Variants in DNAH14 observed in about 807,000 individuals in gnomAD.
DNAH14 encodes the protein dynein axonemal heavy chain 14.
A neutral mutation model predicts 520.9 loss-of-function variants in DNAH14; 478 were observed. That is an observed-to-expected ratio of 0.92 (90% CI 0.85 to 0.99). DNAH14 has a LOEUF of 0.99. Ranked by LOEUF, DNAH14 falls within the 50% of genes least tolerant of loss-of-function variation. DNAH14 has a pLI of 0.00. For missense variants in DNAH14, 4,831 were observed against 5,234.5 expected, an observed-to-expected ratio of 0.92 and a Z score of 2.38; for synonymous variants, 1,581 against 1,757.2, an observed-to-expected ratio of 0.90 and a Z score of 2.51.
At chr1:224,976,571 T>A (rs919696184) in intron 8 of DNAH14, among the ~76,000 whole-genome samples, 1 of 151,494 alleles carries the variant, frequency 6.6e-6, no homozygotes, top group African/African-American at 2.4e-5. Flanking sequence ...TGGGAGAAAA[T>A]TTTCGCAACC....
At chr1:225,365,208 G>A (rs1490901082) in intron 76 of DNAH14, among the ~76,000 whole-genome samples, 1 of 152,076 alleles carries the variant, frequency 6.6e-6, no homozygotes, top group Admixed American at 6.5e-5. Context: ...TCTTATTTCT[G>A]CCCTACTTAA....
intron 23 of DNAH14, among the ~76,000 whole-genome samples, chr1:225,103,481 A>G (rs1032549700): frequency 3.3e-5 from 5 of 152,182 alleles, no homozygotes; most frequent in African/African-American, 1.2e-4. Flanking sequence ...TACCTTGGGC[A>G]GTATGGCCAT....
chr1:224,955,597 T>G (rs974009881), intron 3 of DNAH14, among the ~76,000 whole-genome samples: 6 of 152,158 alleles, frequency 3.9e-5, no homozygotes, highest in African/African-American at 1.4e-4. Context: ...CAACTTCCTT[T>G]CTCATCCAGC....
At chr1:224,975,952 C>T (rs1011891063) in intron 8 of DNAH14, among the ~76,000 whole-genome samples, 7 of 151,842 alleles carry the variant, frequency 4.6e-5, no homozygotes, top group Non-Finnish European at 7.4e-5. Context: ...TTTCAAAGAA[C>T]ATCTTTATTT....
chr1:225,340,192 T>A (rs1233012088), intron 68 of DNAH14, among the ~76,000 whole-genome samples: 1 of 152,188 alleles, frequency 6.6e-6, no homozygotes, highest in Non-Finnish European at 1.5e-5. Flanking sequence ...AAGTCAAAAC[T>A]TCTACTATTT....
intron 75 of DNAH14, among the ~76,000 whole-genome samples, chr1:225,361,755 C>A (rs2095494494): frequency 6.6e-6 from 1 of 152,204 alleles, no homozygotes; most frequent in Non-Finnish European, 1.5e-5. Flanking sequence ...CACAGTGGCT[C>A]ACGCCTATAG....
At chr1:225,259,995 T>G (rs78618485) in intron 46 of DNAH14, among the ~76,000 whole-genome samples, 7,454 of 152,152 alleles carry the variant, frequency 0.049, 286 homozygotes, top group Non-Finnish European at 0.073. Context: ...TTGCCTTCCT[T>G]TAAAAGACTA....
intron 1 of DNAH14, among the ~76,000 whole-genome samples, chr1:224,943,591 C>A (rs1037447586): frequency 6.6e-6 from 1 of 151,934 alleles, no homozygotes; most frequent in African/African-American, 2.4e-5. Flanking sequence ...GATGTTAGGG[C>A]GTCAATTTTA....
chr1:224,974,044 A>G (rs1239466618), intron 7 of DNAH14, 47 bp from the exon 8 acceptor site: 6 of 1,267,932 alleles, frequency 4.7e-6, no homozygotes, highest in Non-Finnish European at 5.3e-6. Context: ...TTCCATATAA[A>G]TACGTGGTTT....
intron 76 of DNAH14, among the ~76,000 whole-genome samples, chr1:225,365,497 A>T (rs2095541721): frequency 6.6e-6 from 1 of 152,176 alleles, no homozygotes; most frequent in African/African-American, 2.4e-5. Flanking sequence ...GGGCATGGAG[A>T]AAATCAGGTG....
chr1:225,307,512 T>C lies in DNAH14; in HGVS notation c.9057T>C (p.Val3019=), dbSNP rs1402494933. The C allele has an allele frequency of 3.9e-6, 6 of 1,547,846 alleles. No individual in the cohort carries two copies. The South Asian group carries it at 4.8e-5, about 12-fold the overall frequency. Residue 3019 remains valine (V), a synonymous_variant, in exon 59 of 86, where the codon GTT becomes GTC. Coordinates refer to ENST00000682510, the MANE Select transcript of DNAH14 (RefSeq NM_001367479.1). ...CAATCCTGGAAGCAACCACTCTAGTTACAGAAATGCAAGAAGAGCTCTTGA... is the reference window on the plus strand; with the variant it reads ...CAATCCTGGAAGCAACCACTCTAGTCACAGAAATGCAAGAAGAGCTCTTGA... The part of the protein sequence containing the change: ...LSTILEATTL[V]TEMQEELLIL...
intron 73 of DNAH14, among the ~76,000 whole-genome samples, chr1:225,358,153 T>C (rs1319619276): frequency 6.6e-6 from 1 of 152,196 alleles, no homozygotes; most frequent in African/African-American, 2.4e-5. Context: ...GCTCTAGACA[T>C]GTATAGCAGA....
In DNAH14 at chr1:225,041,093, G is replaced by C. The variant is rs74562273; in HGVS notation, c.1489-1742G>C. On this transcript the variant is annotated intron_variant, in intron 12 of 85. Coordinates refer to ENST00000682510, the MANE Select transcript of DNAH14 (RefSeq NM_001367479.1). ...TGACAGAGTGGAGATTTGGACACAG[G>C]CTGCATGAACGAGCAGACTGCCACT... Among the ~76,000 whole-genome samples the C allele has an allele frequency of 3.9e-3, 588 of 152,308 alleles. 5 individuals carry two copies. Among genetic ancestry groups the C allele is most frequent in the African/African-American group, 0.013 (555 of 41,560 alleles).
chr1:225,133,070 T>G (rs2078597275), intron 27 of DNAH14, among the ~76,000 whole-genome samples: 1 of 151,868 alleles, frequency 6.6e-6, no homozygotes, highest in Non-Finnish European at 1.5e-5. Flanking sequence ...TTTAATGGAG[T>G]TTTTTTTCTC....
chr1:225,303,171 C>A lies in DNAH14; in HGVS notation c.8647C>A (p.Leu2883Ile). The change falls in exon 57 of 86, where the codon CTT becomes ATT. Residue 2883 changes from leucine to isoleucine, a missense_variant. By Grantham distance (5) the Leu-to-Ile change is conservative (BLOSUM62 2). Transcript: ENST00000682510. ...TAATTTTCAGAGAATATATAAAAAT[C>A]TTCATATTTTTGTGATCATGAGTCC... ...SFFQKRIYKN[L>I]HIFVIMSPEG... The A allele has an allele frequency of 1.4e-6, 2 of 1,481,432 alleles. No homozygotes were observed. Among genetic ancestry groups the A allele is most frequent in the South Asian group, 1.4e-5 (1 of 72,822 alleles). 91.8% of individuals were successfully genotyped at this position (1,481,432 alleles called of 1,614,324 possible). A position where few individuals can be genotyped will look rare whatever the true frequency, so the allele number is the denominator to read the frequency against.
chr1:225,233,435 G>A (rs1159562697), intron 42 of DNAH14, among the ~76,000 whole-genome samples: 1 of 152,146 alleles, frequency 6.6e-6, no homozygotes, highest in African/African-American at 2.4e-5. Flanking sequence ...CAGTGTAAAA[G>A]CATTCCTTTT....
At chr1:225,210,164 A>C (rs2088177167) in intron 41 of DNAH14, among the ~76,000 whole-genome samples, 1 of 151,994 alleles carries the variant, frequency 6.6e-6, no homozygotes, top group Non-Finnish European at 1.5e-5. Flanking sequence ...AGACAGAATC[A>C]TTCACTGCCC....
At chr1:225,028,867 G>A (rs2066328525) in intron 11 of DNAH14, among the ~76,000 whole-genome samples, 1 of 151,974 alleles carries the variant, frequency 6.6e-6, no homozygotes, top group African/African-American at 2.4e-5. Flanking sequence ...AAAGGATACA[G>A]ATGCTCTGGA....
chr1:225,377,344 C>A lies in DNAH14; in HGVS notation c.12624C>A (p.Ala4208=), dbSNP rs2095713774. 1 of 1,550,944 alleles carries A rather than the reference C, an allele frequency of 6.4e-7. No individual in the cohort carries two copies. The highest frequency in any genetic ancestry group is 2.4e-5 in the East Asian group (1 of 40,892). ...AGGTCTTAGGAATACACCCAGAGGCCATCAGGAGCTGCTGGGAGACCCAGG... is the reference window on the plus strand; with the variant it reads ...AGGTCTTAGGAATACACCCAGAGGCAATCAGGAGCTGCTGGGAGACCCAGG... The part of the protein sequence containing the change: ...LPEVLGIHPE[A]IRSCWETQGE... Residue 4208 remains alanine (A), a synonymous_variant, in exon 79 of 86, where the codon GCC becomes GCA. Coordinates refer to ENST00000682510, the MANE Select transcript of DNAH14 (RefSeq NM_001367479.1).
Sources: gnomAD v4.1 joint callset for allele counts (sites outside exome capture counted in the v4.1 genomes callset) on GRCh38, gnomAD v4.1.1 for gene constraint, MANE v1.5 for transcripts, NCBI Gene and HGNC (gene_info 2026-07-23, HGNC 2026-07-21) for gene names.